LRFN5: variants seen among roughly 807,000 people sequenced by gnomAD.
LRFN5 encodes the protein leucine rich repeat and fibronectin type III domain containing 5, also known as leucine-rich repeat and fibronectin type-III domain-containing protein 5.
In LRFN5, 24 loss-of-function variants were observed where a neutral mutation model predicts 45.6. That is an observed-to-expected ratio of 0.53 (90% CI 0.38 to 0.74). The LOEUF (loss-of-function observed/expected upper bound fraction) is 0.74. Ranked by LOEUF, LRFN5 falls within the 30% of genes least tolerant of loss-of-function variation. LRFN5 has a pLI of 0.00. For synonymous variants in LRFN5, 340 were observed against 313.8 expected (o/e 1.08, Z -0.88); for missense variants, 776 against 861.5 (o/e 0.90, Z 1.24).
intron 1 of LRFN5, among the ~76,000 whole-genome samples, chr14:41,743,674 A>G (rs954405962): frequency 1.3e-5 from 2 of 152,204 alleles, no homozygotes; most frequent in Non-Finnish European, 2.9e-5. Flanking sequence ...TTAAAATAAT[A>G]GATTTTTAAT....
At position 41,718,615 on chromosome 14, in the gene LRFN5, G is replaced by A. The variant is rs534188600; in HGVS notation, c.-196-48239G>A. ...ACCTGCATATGGGAAAGCTCTCCGT[G>A]TTAGATGAGGTAGACAGCATAGTCA... On this transcript the variant is annotated intron_variant, in intron 1 of 5. Coordinates refer to ENST00000298119, the MANE Select transcript of LRFN5 (RefSeq NM_152447.5). Among the ~76,000 whole-genome samples, 5 of 152,260 alleles carry A rather than the reference G, an allele frequency of 3.3e-5. No individual in the cohort carries two copies. The South Asian group carries it at 8.3e-4, about 25-fold the overall frequency.
intron 1 of LRFN5, chr14:41,701,132 C>G (rs568292473): frequency 6.6e-6 from 1 of 152,020 alleles, no homozygotes; most frequent in East Asian, 1.9e-4. Context: ...ATAAACACAC[C>G]TTTTTAAAAT....
intron 3 of LRFN5, among the ~76,000 whole-genome samples, chr14:41,888,683 A>C (rs1216381973): frequency 6.6e-6 from 1 of 152,188 alleles, no homozygotes; most frequent in African/African-American, 2.4e-5. Context: ...GTTCTAAGAC[A>C]GTTCCAAAAA....
intron 4 of LRFN5, chr14:41,892,541 A>G (rs1047946463): frequency 6.2e-6 from 6 of 975,134 alleles, no homozygotes; most frequent in Non-Finnish European, 7.3e-6. Flanking sequence ...TGATATTTTT[A>G]ATAAGTAGAC....
intron 1 of LRFN5, among the ~76,000 whole-genome samples, chr14:41,704,645 A>G (rs577281950): frequency 4.0e-4 from 61 of 151,970 alleles, no homozygotes; most frequent in African/African-American, 1.2e-3. Context: ...TATAGTTGTC[A>G]TTATTTTTCC....
intron 1 of LRFN5, among the ~76,000 whole-genome samples, chr14:41,725,092 T>TA (rs1347935388): frequency 6.6e-6 from 1 of 152,196 alleles, no homozygotes; most frequent in African/African-American, 2.4e-5. Context: ...AGGAGCCTAG[T>TA]ACTAGAAATT....
At chr14:41,749,345 T>C (rs1009777670) in intron 1 of LRFN5, among the ~76,000 whole-genome samples, 16 of 152,132 alleles carry the variant, frequency 1.1e-4, no homozygotes, top group African/African-American at 3.9e-4. Flanking sequence ...TACTGACTTA[T>C]AATAAAGCAA....
At chr14:41,703,261 A>AT (rs529403223) in intron 1 of LRFN5, among the ~76,000 whole-genome samples, 219 of 152,334 alleles carry the variant, frequency 1.4e-3, no homozygotes, top group Non-Finnish European at 2.6e-3. Flanking sequence ...TTTACATAGC[A>AT]TGTGCATATG....
At chr14:41,673,527 G>A (rs1881362821) in intron 1 of LRFN5, among the ~76,000 whole-genome samples, 1 of 147,990 alleles carries the variant, frequency 6.8e-6, no homozygotes, top group African/African-American at 2.5e-5. Flanking sequence ...CGGCCGGGCA[G>A]AGGCACCCCT....
intron 2 of LRFN5, among the ~76,000 whole-genome samples, chr14:41,784,539 A>G (rs1886647315): frequency 1.3e-5 from 2 of 151,772 alleles, no homozygotes; most frequent in African/African-American, 2.4e-5. Context: ...GACTGCTGAC[A>G]TAGTTTTTCT....
chr14:41,728,484 AAAAT>A (rs1267097999), intron 1 of LRFN5, among the ~76,000 whole-genome samples: 1 of 152,192 alleles, frequency 6.6e-6, no homozygotes, highest in African/African-American at 2.4e-5. Flanking sequence ...TCAAGTATGA[AAAAT>A]AAAGCAAATT....
intron 1 of LRFN5, among the ~76,000 whole-genome samples, chr14:41,756,095 C>G (rs1183135807): frequency 2.6e-5 from 4 of 152,120 alleles, no homozygotes; most frequent in Non-Finnish European, 5.9e-5. Flanking sequence ...ATATTGGCCC[C>G]CACTCTCTTC....
chr14:41,818,563 A>G (rs185215749), intron 2 of LRFN5, among the ~76,000 whole-genome samples: 2 of 152,052 alleles, frequency 1.3e-5, no homozygotes, highest in African/African-American at 4.8e-5. Context: ...GATATATGCC[A>G]TCACATTTCC....
At chr14:41,705,671 G>A (rs1883034817) in intron 1 of LRFN5, among the ~76,000 whole-genome samples, 2 of 151,900 alleles carry the variant, frequency 1.3e-5, no homozygotes, top group African/African-American at 4.8e-5. Flanking sequence ...CCCTACTCAA[G>A]GTAACCTAGC....
chr14:41,699,152 G>C (rs74046621), intron 1 of LRFN5, among the ~76,000 whole-genome samples: 206 of 151,990 alleles, frequency 1.4e-3, no homozygotes, highest in African/African-American at 4.8e-3. Flanking sequence ...GAACATTAAC[G>C]TACAGAGGAA....
intron 1 of LRFN5, among the ~76,000 whole-genome samples, chr14:41,717,090 A>T (rs994073265): frequency 6.6e-6 from 1 of 152,188 alleles, no homozygotes; most frequent in Non-Finnish European, 1.5e-5. Flanking sequence ...TGGTCATTTT[A>T]AAATTTCTTT....
At chr14:41,760,883 C>T (rs2138868548) in intron 1 of LRFN5, among the ~76,000 whole-genome samples, 2 of 152,170 alleles carry the variant, frequency 1.3e-5, no homozygotes, top group Middle Eastern at 6.8e-3. Flanking sequence ...CATGAATACA[C>T]TAACACGGAG....
chr14:41,894,790 G>C lies in LRFN5; in HGVS notation c.2098+2828G>C, dbSNP rs114327602. ...TGGAAATAAGAATTTTCATTTGTTA[G>C]TACAATACAGATTTGTTATCTAAAT... is the stretch of plus-strand genomic sequence containing the variant. On this transcript the variant is annotated intron_variant, in intron 4 of 5. Transcript: ENST00000298119. 6 of 981,326 alleles carry C rather than the reference G, an allele frequency of 6.1e-6. No homozygotes were observed. In the Admixed American group the frequency reaches 3.1e-4, roughly 50 times the overall value. 60.8% of individuals were successfully genotyped at this position (981,326 alleles called of 1,614,324 possible).
In LRFN5 at chr14:41,606,953, C is replaced by A. The variant is rs567281843; in HGVS notation, c.-1806C>A. The stretch of plus-strand genomic sequence containing the variant: ...GGAGGCCGCCGTTGCCCACACGCGA[C>A]GCTTTGGGAAGCCCAGCTCCCGGGT... On this transcript the variant is annotated 5_prime_UTR_variant, in exon 1 of 6. Coordinates refer to ENST00000298119, the MANE Select transcript of LRFN5 (RefSeq NM_152447.5). Among the ~76,000 whole-genome samples, 357 of 152,074 alleles carry A rather than the reference C, an allele frequency of 2.3e-3. 1 individual carries two copies. Among genetic ancestry groups the A allele is most frequent in the Non-Finnish European group, 4.4e-3 (301 of 67,952 alleles).
Sources: gnomAD v4.1 joint callset for allele counts (sites outside exome capture counted in the v4.1 genomes callset) on GRCh38, gnomAD v4.1.1 for gene constraint, MANE v1.5 for transcripts, NCBI Gene and HGNC (gene_info 2026-07-23, HGNC 2026-07-21) for gene names.